KCNMB2: variants seen among roughly 807,000 people sequenced by gnomAD.
KCNMB2 encodes the protein calcium-activated potassium channel subunit beta-2.
In KCNMB2, 9 loss-of-function variants were observed where a neutral mutation model predicts 24.5. The observed-to-expected ratio is 0.37, with a 90% CI of 0.22 to 0.64. The LOEUF (loss-of-function observed/expected upper bound fraction) is 0.64. KCNMB2 is among the 30% of genes least tolerant of loss of function. KCNMB2 has a pLI of 0.63. For missense variants in KCNMB2, 226 were observed against 284.3 expected (o/e 0.79, Z 1.47); for synonymous variants, 109 against 104.4 (o/e 1.04, Z -0.27).
intron 4 of KCNMB2, among the ~76,000 whole-genome samples, chr3:178,839,358 G>T (rs1195036832): frequency 6.6e-6 from 1 of 152,014 alleles, no homozygotes; most frequent in Non-Finnish European, 1.5e-5. Context: ...AATTCCATCT[G>T]TATCTAGATA....
intron 1 of KCNMB2, among the ~76,000 whole-genome samples, chr3:178,788,513 G>A (rs1713197169): frequency 6.6e-6 from 1 of 152,060 alleles, no homozygotes; most frequent in Non-Finnish European, 1.5e-5. Flanking sequence ...CATTTACTGA[G>A]TACCTACAGA....
intron 2 of KCNMB2, among the ~76,000 whole-genome samples, chr3:178,812,619 G>A (rs759763084): frequency 4.6e-5 from 7 of 151,746 alleles, no homozygotes; most frequent in South Asian, 2.1e-4. Context: ...TCACAATTAC[G>A]TATTTAATCA....
intron 1 of KCNMB2, among the ~76,000 whole-genome samples, chr3:178,806,651 TAGAG>T (rs1354410936): frequency 1.3e-5 from 2 of 151,116 alleles, no homozygotes; most frequent in East Asian, 1.9e-4. Flanking sequence ...GTGCTGTGCT[TAGAG>T]AGGAAAGAAC....
intron 1 of KCNMB2, among the ~76,000 whole-genome samples, chr3:178,598,032 T>A (rs1717939591): frequency 6.7e-6 from 1 of 149,726 alleles, no homozygotes. Flanking sequence ...TTCAGGAAAA[T>A]GCAGGACAAA....
intron 1 of KCNMB2, among the ~76,000 whole-genome samples, chr3:178,605,275 C>T (rs1329815488): frequency 6.6e-6 from 1 of 152,108 alleles, no homozygotes; most frequent in Non-Finnish European, 1.5e-5. Flanking sequence ...GATGACCAGA[C>T]ACTAAATCTA....
Position 178,536,525 on chromosome 3 carries a change from C to G in KCNMB2, c.-254C>G, listed in dbSNP as rs1576995589. 6.6e-6 allele frequency: 1 copy of G among 152,174 alleles called. No individual in the cohort carries two copies. Among genetic ancestry groups the G allele is most frequent in the African/African-American group, 2.4e-5 (1 of 41,428 alleles). 9.4% of individuals were successfully genotyped at this position (152,174 alleles called of 1,614,324 possible). ...GTCACTCCTATTGTCCTTCCAAACT[C>G]TTTCAGACATTTTGAGCAGGGAGTA... On this transcript the variant is annotated 5_prime_UTR_variant, in exon 1 of 5. Coordinates refer to ENST00000452583, the MANE Select transcript of KCNMB2 (RefSeq NM_181361.3).
At chr3:178,619,565 A>G (rs1294161561) in intron 1 of KCNMB2, among the ~76,000 whole-genome samples, 1 of 152,164 alleles carries the variant, frequency 6.6e-6, no homozygotes, top group African/African-American at 2.4e-5. Context: ...AAGATTTATT[A>G]GAGTATAAAA....
intron 1 of KCNMB2, among the ~76,000 whole-genome samples, chr3:178,729,579 G>A (rs1309348728): frequency 6.6e-6 from 1 of 152,070 alleles, no homozygotes; most frequent in African/African-American, 2.4e-5. Flanking sequence ...TCTGGTGCTG[G>A]GGCGAAGTCA....
chr3:178,700,455 GA>G (rs1391648244), intron 1 of KCNMB2, among the ~76,000 whole-genome samples: 1 of 152,140 alleles, frequency 6.6e-6, no homozygotes, highest in Non-Finnish European at 1.5e-5. Flanking sequence ...TAAATCCCTG[GA>G]CCACTGGAAC....
At chr3:178,682,653 G>C (rs1413146343) in intron 1 of KCNMB2, among the ~76,000 whole-genome samples, 7 of 151,518 alleles carry the variant, frequency 4.6e-5, no homozygotes, top group Admixed American at 1.3e-4. Context: ...TTTTCTATAA[G>C]AAACTTAAAC....
chr3:178,778,787 C>G (rs757299356), intron 1 of KCNMB2, among the ~76,000 whole-genome samples: 2 of 152,186 alleles, frequency 1.3e-5, no homozygotes, highest in Non-Finnish European at 2.9e-5. Context: ...GGCCACTGGG[C>G]GTTTCCTTAC....
chr3:178,675,579 T>G (rs1721044728), intron 1 of KCNMB2, among the ~76,000 whole-genome samples: 1 of 151,386 alleles, frequency 6.6e-6, no homozygotes, highest in South Asian at 2.1e-4. Flanking sequence ...CCTTAGACAT[T>G]AAAAAAAAAG....
intron 1 of KCNMB2, among the ~76,000 whole-genome samples, chr3:178,550,897 C>T (rs1715931214): frequency 6.6e-6 from 1 of 152,064 alleles, no homozygotes; most frequent in Non-Finnish European, 1.5e-5. Flanking sequence ...TAAATGACTC[C>T]TGTTTTTATT....
At chr3:178,652,576 T>C (rs1030671430) in intron 1 of KCNMB2, among the ~76,000 whole-genome samples, 5 of 152,150 alleles carry the variant, frequency 3.3e-5, no homozygotes, top group Non-Finnish European at 7.4e-5. Context: ...TTAATAATGT[T>C]ACGTATTTAA....
chr3:178,674,364 G>C (rs2108586700), intron 1 of KCNMB2, among the ~76,000 whole-genome samples: 1 of 152,134 alleles, frequency 6.6e-6, no homozygotes, highest in South Asian at 2.1e-4. Flanking sequence ...AGCATGTTAA[G>C]TTAAATATCT....
At chr3:178,725,296 C>A (rs1722932198) in intron 1 of KCNMB2, among the ~76,000 whole-genome samples, 1 of 151,942 alleles carries the variant, frequency 6.6e-6, no homozygotes, top group African/African-American at 2.4e-5. Context: ...AGATTACATT[C>A]TTGATTTTGT....
chr3:178,672,699 T>C (rs75945388), intron 1 of KCNMB2, among the ~76,000 whole-genome samples: 3,171 of 152,286 alleles, frequency 0.021, 55 homozygotes, highest in Non-Finnish European at 0.034. Context: ...AAGCTGATGG[T>C]ACATCCTAAG....
intron 1 of KCNMB2, among the ~76,000 whole-genome samples, chr3:178,617,033 T>C (rs1718730558): frequency 6.6e-6 from 1 of 152,116 alleles, no homozygotes; most frequent in Non-Finnish European, 1.5e-5. Flanking sequence ...ATACAGAGGT[T>C]TTATTTTTGT....
intron 1 of KCNMB2, among the ~76,000 whole-genome samples, chr3:178,756,255 TGC>T (rs1327217746): frequency 6.6e-6 from 1 of 151,740 alleles, no homozygotes; most frequent in Non-Finnish European, 1.5e-5. Context: ...TGTGTGTGTA[TGC>T]GTGTGTGTGT....
Sources: gnomAD v4.1 joint callset for allele counts (sites outside exome capture counted in the v4.1 genomes callset) on GRCh38, gnomAD v4.1.1 for gene constraint, MANE v1.5 for transcripts, NCBI Gene and HGNC (gene_info 2026-07-23, HGNC 2026-07-21) for gene names.